The following FRMD4B variants were observed in gnomAD, a reference collection of about 807,000 sequenced individuals.
FRMD4B encodes the protein FERM domain-containing protein 4B.
FRMD4B carries 74 observed loss-of-function variants against 141.5 expected under a neutral mutation model. The ratio of observed to expected loss-of-function variants is 0.52; its 90% CI spans 0.43 to 0.63. The LOEUF is 0.63. Ranked by LOEUF, FRMD4B falls within the 30% of genes least tolerant of loss-of-function variation. The pLI is 0.00. For synonymous variants in FRMD4B, 506 were observed against 467.9 expected, an observed-to-expected ratio of 1.08 and a Z score of -1.05; for missense variants, 1,366 against 1,253.4, an observed-to-expected ratio of 1.09 and a Z score of -1.36.
At position 69,354,715 on chromosome 3, in the gene FRMD4B, C is replaced by G. The variant is rs978679955; in HGVS notation, c.162+31113G>C. ...GGTGGGGTACCTCCCTTTACCCCCA[C>G]AAAATGTTAATCCCTCAGAAACCGG... On this transcript the variant is annotated intron_variant, in intron 1 of 22. Transcript: ENST00000398540. 9.2e-5 allele frequency among the ~76,000 whole-genome samples: 14 copies of G among 152,230 alleles called. No individual in the cohort carries two copies. In the South Asian group the frequency reaches 1.9e-3, roughly 20 times the overall value.
chr3:69,210,695 C>T (rs1370341669), intron 11 of FRMD4B, among the ~76,000 whole-genome samples: 1 of 152,108 alleles, frequency 6.6e-6, no homozygotes, highest in Non-Finnish European at 1.5e-5. Context: ...GAAAGAAGTG[C>T]TCACACATCT....
chr3:69,177,924 T>G (rs1167013446), intron 21 of FRMD4B, among the ~76,000 whole-genome samples: 1 of 151,666 alleles, frequency 6.6e-6, no homozygotes, highest in Admixed American at 6.6e-5. Context: ...TGTGTTGGGG[T>G]GTGGATTGGG....
Position 69,195,625 on chromosome 3 carries a change from C to G in FRMD4B, c.1235-261G>C, listed in dbSNP as rs776028521. ...ATGATAAAATGCTTAACGTCCCAGA[C>G]ACACCCAAAGAAAAATTTCATTTTT... On this transcript the variant is annotated intron_variant, in intron 14 of 22. Coordinates refer to ENST00000398540, the MANE Select transcript of FRMD4B (RefSeq NM_015123.3). 4.6e-5 allele frequency among the ~76,000 whole-genome samples: 7 copies of G among 152,240 alleles called. No individual in the cohort carries two copies. The East Asian group carries it at 1.4e-3, about 29-fold the overall frequency.
At chr3:69,401,592 C>G (rs569102508) in intron 2 of FRMD4B, among the ~76,000 whole-genome samples, 1 of 152,148 alleles carries the variant, frequency 6.6e-6, no homozygotes, top group South Asian at 2.1e-4. Context: ...CTCTGCCACC[C>G]GGGCTGAAGT....
intron 5 of FRMD4B, among the ~76,000 whole-genome samples, chr3:69,269,624 A>T (rs2093585152): frequency 1.3e-5 from 2 of 152,198 alleles, no homozygotes; most frequent in Non-Finnish European, 2.9e-5. Context: ...CTTCACTTCA[A>T]CCAAGAGTAA....
At chr3:69,387,675 G>A (rs1461168301), upstream of FRMD4B, among the ~76,000 whole-genome samples, 1 of 152,192 alleles carries the variant, frequency 6.6e-6, no homozygotes, top group Non-Finnish European at 1.5e-5. Flanking sequence ...GGTATCAAAT[G>A]TGCTTTTATA....
At chr3:69,508,950 G>A (rs1706642971) in intron 1 of FRMD4B, among the ~76,000 whole-genome samples, 2 of 152,152 alleles carry the variant, frequency 1.3e-5, no homozygotes, top group South Asian at 2.1e-4. Context: ...GCTAGAATTC[G>A]AACCCATTGT....
At chr3:69,478,368 T>C (rs1045260412) in intron 1 of FRMD4B, among the ~76,000 whole-genome samples, 7 of 152,018 alleles carry the variant, frequency 4.6e-5, no homozygotes, top group Non-Finnish European at 7.4e-5. Flanking sequence ...CTCTACACAC[T>C]GCTTTGAATG....
chr3:69,414,175 T>C (rs1246621002), intron 2 of FRMD4B, among the ~76,000 whole-genome samples: 6 of 152,068 alleles, frequency 3.9e-5, no homozygotes, highest in African/African-American at 1.4e-4. Flanking sequence ...AGGTAACAGA[T>C]GCCTGCCTGA....
chr3:69,336,515 C>A (rs931962876), intron 1 of FRMD4B: 2 of 152,182 alleles, frequency 1.3e-5, no homozygotes, highest in African/African-American at 4.8e-5. Context: ...TGTGAGGAGA[C>A]CAAACTGGAG....
chr3:69,443,568 T>C (rs1347628076), intron 1 of FRMD4B, among the ~76,000 whole-genome samples: 2 of 152,148 alleles, frequency 1.3e-5, no homozygotes, highest in African/African-American at 4.8e-5. Flanking sequence ...GCATCTGAAA[T>C]GGGGTAGTCT....
chr3:69,313,497 G>T lies in FRMD4B; in HGVS notation c.183C>A (p.Cys61Ter). The T allele has an allele frequency of 1.3e-6, 2 of 1,570,562 alleles. No individual in the cohort carries two copies. Among genetic ancestry groups the T allele is most frequent in the South Asian group, 1.2e-5 (1 of 85,230 alleles). ...DVYQMTEGRH[C>*]QVHLLDDRRL... ...TCCTATCATCCAGGAGGTGCACCTG[G>T]CAGTGCCTGCCTTCTGTCATCTGCA... Residue 61 changes from cysteine (C) to a stop codon, truncating the protein, a stop_gained, in exon 2 of 23, where the codon TGC (cysteine) becomes TGA (stop). Transcript: ENST00000398540. LOFTEE classifies it high-confidence loss of function.
At chr3:69,193,007 G>T (rs1445457602) in intron 17 of FRMD4B, among the ~76,000 whole-genome samples, 1 of 151,770 alleles carries the variant, frequency 6.6e-6, no homozygotes, top group Non-Finnish European at 1.5e-5. Context: ...TTTTTGAAGA[G>T]ACGGGGTTTC....
chr3:69,269,120 G>A (rs1359660397), intron 5 of FRMD4B, among the ~76,000 whole-genome samples: 1 of 151,418 alleles, frequency 6.6e-6, no homozygotes, highest in Non-Finnish European at 1.5e-5. Context: ...GTAGAGATGA[G>A]CTTTCTCCAT....
chr3:69,181,277 A>G lies in FRMD4B; in HGVS notation c.2473T>C (p.Tyr825His), dbSNP rs2092704685. The G allele has an allele frequency of 1.9e-6, 3 of 1,613,766 alleles. No homozygotes were observed. Among genetic ancestry groups the G allele is most frequent in the Non-Finnish European group, 2.5e-6 (3 of 1,179,714 alleles). Reference sequence around the variant, plus strand: ...TACTGTCCCTCGGTGTCATTCTCATAGACATAACCACCACTGTAATAAAAG... The same window carrying G: ...TACTGTCCCTCGGTGTCATTCTCATGGACATAACCACCACTGTAATAAAAG... The part of the protein sequence containing the change: ...CDFYYSGGYV[Y>H]ENDTEGQYSV... Residue 825 changes from tyrosine (Y) to histidine (H), a missense_variant, in exon 21 of 23, where the codon TAT becomes CAT. Physicochemically the swap from Tyr to His is moderately conservative, Grantham distance 83. Transcript: ENST00000398540.
At chr3:69,448,314 G>A (rs1434904637) in intron 1 of FRMD4B, among the ~76,000 whole-genome samples, 1 of 152,218 alleles carries the variant, frequency 6.6e-6, no homozygotes, top group Non-Finnish European at 1.5e-5. Context: ...ACAGGCGTGA[G>A]ACACCACGCC....
chr3:69,379,782 G>C (rs141118847), intron 1 of FRMD4B, among the ~76,000 whole-genome samples: 167 of 152,252 alleles, frequency 1.1e-3, no homozygotes, highest in African/African-American at 3.3e-3. Flanking sequence ...TGAACTTTAA[G>C]TAGTTCAGAC....
chr3:69,176,143 A>T (rs990485945), intron 22 of FRMD4B, among the ~76,000 whole-genome samples: 2 of 151,936 alleles, frequency 1.3e-5, no homozygotes, highest in East Asian at 3.9e-4. Context: ...GTTCTTTGTA[A>T]ACATTAGAGG....
At chr3:69,368,736 C>A (rs1575769780) in intron 1 of FRMD4B, among the ~76,000 whole-genome samples, 1 of 152,188 alleles carries the variant, frequency 6.6e-6, no homozygotes, top group Non-Finnish European at 1.5e-5. Flanking sequence ...CGGCTCACTG[C>A]AACCTCAACC....
Sources: allele counts gnomAD v4.1 joint callset (sites outside exome capture counted in the v4.1 genomes callset), GRCh38; gene constraint gnomAD v4.1.1; transcripts MANE v1.5; gene names NCBI Gene and HGNC (gene_info 2026-07-23, HGNC 2026-07-21).